Variants in OPCML observed in about 807,000 individuals in gnomAD.
OPCML encodes opioid-binding protein/cell adhesion molecule.
A neutral mutation model predicts 37.8 loss-of-function variants in OPCML; 13 were observed. That is an observed-to-expected ratio of 0.34 (90% CI 0.22 to 0.55). OPCML has a LOEUF of 0.55. Ranked by LOEUF, OPCML falls within the 20% of genes least tolerant of loss-of-function variation. The probability of loss-of-function intolerance (pLI) is 0.91; values close to 1 mark genes in which losing one functional copy is unlikely to be tolerated. For synonymous variants in OPCML, 176 were observed against 168.8 expected, an observed-to-expected ratio of 1.04 and a Z score of -0.33; for missense variants, 341 against 435.6, an observed-to-expected ratio of 0.78 and a Z score of 1.93.
intron 2 of OPCML, among the ~76,000 whole-genome samples, chr11:132,813,362 G>A (rs1255967383): frequency 6.6e-6 from 1 of 152,168 alleles, no homozygotes; most frequent in Admixed American, 6.5e-5. Flanking sequence ...AGTTTATTAA[G>A]AGGGTTGTTT....
chr11:133,140,796 A>AGAAGAAGACGGCGAC lies in OPCML; in HGVS notation c.62-197787_62-197786insGTCGCCGTCTTCTTC, dbSNP rs1565467980. Reference sequence around the variant, plus strand: ...AAGAAGAAGAAGACGACGAAGAAGAAGAAGAAGAAGACGACGACGAAGAAG... The same window carrying AGAAGAAGACGGCGAC: ...AAGAAGAAGAAGACGACGAAGAAGAAGAAGAAGACGGCGACGAAGAAGAAGACGACGACGAAGAAG... On this transcript the variant is annotated intron_variant, in intron 1 of 7. Transcript: ENST00000524381. Among the ~76,000 whole-genome samples, 6 of 142,552 alleles carry AGAAGAAGACGGCGAC rather than the reference A, an allele frequency of 4.2e-5. 1 individual carries two copies. Among genetic ancestry groups the AGAAGAAGACGGCGAC allele is most frequent in the African/African-American group, 1.6e-4 (6 of 38,082 alleles). The allele number at this position is 142,552 out of a possible 152,430, so 93.5% of individuals were successfully genotyped here. A position where few individuals can be genotyped will look rare whatever the true frequency, so the allele number is the denominator to read the frequency against.
intron 1 of OPCML, among the ~76,000 whole-genome samples, chr11:133,310,673 T>C (rs1375694133): frequency 2.6e-5 from 4 of 152,146 alleles, no homozygotes; most frequent in Non-Finnish European, 2.9e-5. Flanking sequence ...GCCCAAGCAC[T>C]ATCCTTCCCT....
At chr11:132,788,114 C>T (rs960837574) in intron 2 of OPCML, among the ~76,000 whole-genome samples, 5 of 152,114 alleles carry the variant, frequency 3.3e-5, no homozygotes, top group East Asian at 3.9e-4. Context: ...CTCTTGACCT[C>T]GTGAGTCACC....
At chr11:133,320,295 G>T (rs187337235) in intron 1 of OPCML, among the ~76,000 whole-genome samples, 3 of 151,992 alleles carry the variant, frequency 2.0e-5, no homozygotes, top group African/African-American at 7.2e-5. Flanking sequence ...CTTACCCATC[G>T]CCCCTCCTAT....
chr11:132,955,355 C>T (rs1304864101), intron 1 of OPCML, among the ~76,000 whole-genome samples: 1 of 152,044 alleles, frequency 6.6e-6, no homozygotes, highest in Non-Finnish European at 1.5e-5. Flanking sequence ...CAAAACACTT[C>T]CCTCTCTGGA....
intron 1 of OPCML, among the ~76,000 whole-genome samples, chr11:133,437,702 ACCTCTCCCCTCTCAACCCCG>A: frequency 8.0e-6 from 1 of 124,732 alleles, no homozygotes; most frequent in African/African-American, 3.2e-5. Flanking sequence ...AACCCCGCTC[ACCTCTCCCCTCTCAACCCCG>A]CTCACCTCTC....
chr11:132,899,432 C>T (rs1943969431), intron 2 of OPCML, among the ~76,000 whole-genome samples: 1 of 151,474 alleles, frequency 6.6e-6, no homozygotes, highest in Non-Finnish European at 1.5e-5. Context: ...CATAGTGTTT[C>T]AGTTATCATC....
intron 3 of OPCML, among the ~76,000 whole-genome samples, chr11:132,569,928 T>C (rs1245313682): frequency 6.6e-6 from 1 of 151,282 alleles, no homozygotes; most frequent in Non-Finnish European, 1.5e-5. Flanking sequence ...CCAGAGGCCT[T>C]GATCCTAAAT....
chr11:132,620,139 T>C (rs1253478895), intron 3 of OPCML, among the ~76,000 whole-genome samples: 1 of 152,176 alleles, frequency 6.6e-6, no homozygotes, highest in Non-Finnish European at 1.5e-5. Flanking sequence ...TTATATTTGA[T>C]ATTGAGGTTC....
At chr11:132,910,059 C>T (rs1260716437) in intron 2 of OPCML, among the ~76,000 whole-genome samples, 2 of 152,180 alleles carry the variant, frequency 1.3e-5, no homozygotes, top group Non-Finnish European at 2.9e-5. Flanking sequence ...AGATTTCCAT[C>T]GAGAGAGTCG....
At chr11:132,525,697 C>T (rs1239071038) in intron 4 of OPCML, 1 of 120,156 alleles carries the variant, frequency 8.3e-6, no homozygotes, top group Non-Finnish European at 2.1e-5. Flanking sequence ...TGTTCCAGAG[C>T]TTTTCTTTTT....
chr11:133,220,155 G>A (rs986869324), intron 1 of OPCML, among the ~76,000 whole-genome samples: 19 of 152,242 alleles, frequency 1.2e-4, no homozygotes, highest in African/African-American at 4.3e-4. Context: ...GTTGGTACTT[G>A]AGTGTCTTCC....
chr11:132,549,368 C>T (rs944406343), intron 3 of OPCML, among the ~76,000 whole-genome samples: 3 of 152,188 alleles, frequency 2.0e-5, no homozygotes, highest in Non-Finnish European at 4.4e-5. Context: ...TTTAAGAAAA[C>T]TCATGAATAA....
In OPCML at chr11:132,467,021, T is replaced by C. The variant is rs2096122185; in HGVS notation, c.506-29662A>G. On this transcript the variant is annotated intron_variant, in intron 4 of 7. Transcript: ENST00000524381. The stretch of plus-strand genomic sequence containing the variant: ...CAAAAAGGAACAGATAAGACCATTC[T>C]AGGCTGAGAAGTGTAAAACTAAAGG... 2.0e-5 allele frequency among the ~76,000 whole-genome samples: 3 copies of C among 152,208 alleles called. No individual in the cohort carries two copies. In the South Asian group the frequency reaches 6.2e-4, roughly 32 times the overall value.
At chr11:132,811,890 C>G (rs1008809230) in intron 2 of OPCML, among the ~76,000 whole-genome samples, 1 of 152,202 alleles carries the variant, frequency 6.6e-6, no homozygotes, top group Non-Finnish European at 1.5e-5. Context: ...TCAGCTTGTT[C>G]ACAGGACTAA....
At chr11:133,273,870 A>C (rs1441670802) in intron 1 of OPCML, among the ~76,000 whole-genome samples, 1 of 152,230 alleles carries the variant, frequency 6.6e-6, no homozygotes, top group Non-Finnish European at 1.5e-5. Context: ...GAGGAATTGG[A>C]AGACCATGGG....
rs545767049 is a variant in OPCML, at chr11:133,532,194, C to T, written c.61+70G>A. The T allele has an allele frequency of 4.0e-5, 63 of 1,572,618 alleles. 1 individual carries two copies. In the African/African-American group the frequency reaches 6.0e-4, roughly 15 times the overall value. On this transcript the variant is annotated intron_variant, in intron 1 of 7. Coordinates refer to ENST00000524381, the MANE Select transcript of OPCML (RefSeq NM_001012393.5). ...CTTCCTCCTTGCCTCTCCATCTCCC[C>T]ACTGCCTCTCCTGCTCTCACGTCGT...
intron 2 of OPCML, among the ~76,000 whole-genome samples, chr11:132,706,983 G>A (rs1032293311): frequency 6.6e-6 from 1 of 152,206 alleles, no homozygotes; most frequent in African/African-American, 2.4e-5. Context: ...TCGCCAAGAT[G>A]GCCGCCTTTC....
At chr11:132,545,476 T>G (rs2137396234) in intron 3 of OPCML, among the ~76,000 whole-genome samples, 1 of 152,358 alleles carries the variant, frequency 6.6e-6, no homozygotes, top group East Asian at 1.9e-4. Context: ...ACATAATATC[T>G]TGTTTTCAAA....
Sources: allele counts gnomAD v4.1 joint callset (sites outside exome capture counted in the v4.1 genomes callset), GRCh38; gene constraint gnomAD v4.1.1; transcripts MANE v1.5; gene names NCBI Gene and HGNC (gene_info 2026-07-23, HGNC 2026-07-21).